The following RNF10 variants were observed in gnomAD, a reference collection of about 807,000 sequenced individuals.
The protein encoded by RNF10 is ring finger protein 10.
RNF10 carries 38 observed loss-of-function variants against 91.4 expected under a neutral mutation model. That is an observed-to-expected ratio of 0.42 (90% CI 0.32 to 0.54). The LOEUF (loss-of-function observed/expected upper bound fraction) is 0.54. RNF10 is among the 20% of genes least tolerant of loss of function. The probability of loss-of-function intolerance (pLI) is 0.16; values close to 1 mark genes in which losing one functional copy is unlikely to be tolerated. For missense variants in RNF10, 945 were observed against 1,012.0 expected (o/e 0.93, Z 0.90); for synonymous variants, 364 against 366.3 (o/e 0.99, Z 0.07).
chr12:120,534,734 C>A lies in RNF10; in HGVS notation c.-78C>A, dbSNP rs1870472361. On this transcript the variant is annotated 5_prime_UTR_variant, in exon 1 of 17. Coordinates refer to ENST00000325954, the MANE Select transcript of RNF10 (RefSeq NM_014868.5). The stretch of plus-strand genomic sequence containing the variant: ...AACCGCTGCCGCCGCCGACCCCCGC[C>A]GGCCCTGAACGCCATGAGCCTGGGT... The A allele has an allele frequency of 7.0e-7, 1 of 1,429,708 alleles. No homozygotes were observed. Among genetic ancestry groups the A allele is most frequent in the East Asian group, 2.9e-5 (1 of 34,162 alleles). 88.6% of individuals were successfully genotyped at this position (1,429,708 alleles called of 1,614,324 possible).
In RNF10 at chr12:120,550,949, C is replaced by T. The variant is rs139223862; in HGVS notation, c.355-1550C>T. On this transcript the variant is annotated intron_variant, in intron 2 of 16. Transcript: ENST00000325954. ...TTGTTAATATAAAAAAGGAAGTTAT[C>T]TGACTGGATGGTATACCACCAGTTG... Among the ~76,000 whole-genome samples, 101 of 152,060 alleles carry T rather than the reference C, an allele frequency of 6.6e-4. 1 individual carries two copies. The highest frequency in any genetic ancestry group is 2.9e-5 in the Non-Finnish European group (2 of 68,002).
At chr12:120,541,820 T>C (rs1871618876) in intron 1 of RNF10, among the ~76,000 whole-genome samples, 1 of 151,886 alleles carries the variant, frequency 6.6e-6, no homozygotes, top group African/African-American at 2.4e-5. Context: ...CTTGAACTCC[T>C]TGGCTTAAGA....
At chr12:120,571,145 C>A in intron 13 of RNF10, 46 bp from the exon 14 acceptor site, 1 of 1,322,856 alleles carries the variant, frequency 7.6e-7, no homozygotes, top group Non-Finnish European at 1.1e-6. Flanking sequence ...TTAAGGACAC[C>A]CCTTGGAACG....
intron 4 of RNF10, among the ~76,000 whole-genome samples, chr12:120,555,121 G>A (rs915702349): frequency 6.6e-6 from 1 of 152,218 alleles, no homozygotes; most frequent in Non-Finnish European, 1.5e-5. Context: ...GCCATTCGTA[G>A]CAATCACTAT....
chr12:120,566,787 C>A (rs546417), intron 12 of RNF10, 38 bp from the exon 13 acceptor site: 496,196 of 1,538,540 alleles, frequency 0.32, 81,729 homozygotes, highest in East Asian at 0.51. Flanking sequence ...AAATTGAATT[C>A]TGTAAATGGG....
chr12:120,553,908 T>G (rs1256353394), intron 3 of RNF10: 2 of 149,406 alleles, frequency 1.3e-5, no homozygotes, highest in African/African-American at 2.4e-5. Flanking sequence ...GTCTTCTGTT[T>G]TTTTTTTTTT....
At chr12:120,543,608 T>C (rs963836249) in intron 1 of RNF10, among the ~76,000 whole-genome samples, 3 of 151,618 alleles carry the variant, frequency 2.0e-5, no homozygotes, top group African/African-American at 7.3e-5. Flanking sequence ...TTGAGACCCA[T>C]CTGGGCAACA....
chr12:120,559,651 G>A (rs1396906984), intron 6 of RNF10, among the ~76,000 whole-genome samples: 1 of 151,800 alleles, frequency 6.6e-6, no homozygotes, highest in Non-Finnish European at 1.5e-5. Flanking sequence ...CCAAAGTGCT[G>A]GGATTACAGG....
Position 120,563,635 on chromosome 12 carries a change from G to A in RNF10, c.1531+12G>A, listed in dbSNP as rs757609041. The A allele has an allele frequency of 6.3e-6, 10 of 1,584,574 alleles. No homozygotes were observed. The East Asian group carries it at 1.1e-4, about 18-fold the overall frequency. The stretch of plus-strand genomic sequence containing the variant: ...CTACTTTTACCAAGGTGAGGGTGCC[G>A]GAAGAGAGGGCTGGGTTGCCGCAGA... On this transcript the variant is annotated intron_variant, in intron 9 of 16. Coordinates refer to ENST00000325954, the MANE Select transcript of RNF10 (RefSeq NM_014868.5).
intron 6 of RNF10, among the ~76,000 whole-genome samples, chr12:120,559,637 C>T (rs778228394): frequency 6.6e-6 from 1 of 152,058 alleles, no homozygotes; most frequent in Non-Finnish European, 1.5e-5. Flanking sequence ...CCTACCTCAG[C>T]CTCCCAAAGT....
At position 120,563,930 on chromosome 12, in the gene RNF10, A is replaced by G. The variant is rs184918703; in HGVS notation, c.1652A>G (p.Tyr551Cys). ...GCAACTGTGGTGGAGATTGCTGGCT[A>G]CTCCATGTCTGAGGTGAGGCCTTCC... ...ISATVVEIAG[Y>C]SMSEDVRQRH... The change falls in exon 10 of 17, where the codon TAC becomes TGC. Residue 551 changes from tyrosine to cysteine, a missense_variant. Physicochemically the swap from Tyr to Cys is radical, Grantham distance 194. Coordinates refer to ENST00000325954, the MANE Select transcript of RNF10 (RefSeq NM_014868.5). The G allele has an allele frequency of 4.3e-6, 7 of 1,613,970 alleles. No homozygotes were observed. The Admixed American group carries it at 1.2e-4, about 27-fold the overall frequency.
chr12:120,560,761 G>C lies in RNF10; in HGVS notation c.1003G>C (p.Ala335Pro). 6.2e-7 allele frequency: 1 copy of C among 1,614,040 alleles called. No individual in the cohort carries two copies. Among genetic ancestry groups the C allele is most frequent in the South Asian group, 1.1e-5 (1 of 91,072 alleles). ...QHSQYSKLLLASKEQVLHRVV... is the reference protein window; with the variant it reads ...QHSQYSKLLLPSKEQVLHRVV... ...CAGCCAGTACTCCAAGTTGCTGCTG[G>C]CCTCTAAGGAGCAGGTGCTGCACCG... Residue 335 changes from alanine (A) to proline (P), a missense_variant, in exon 7 of 17, where the codon GCC (alanine) becomes CCC (proline). By Grantham distance (27) the Ala-to-Pro change is conservative (BLOSUM62 -1). Transcript: ENST00000325954.
chr12:120,553,103 A>C (rs1873398865), intron 3 of RNF10, among the ~76,000 whole-genome samples: 1 of 75,234 alleles, frequency 1.3e-5, no homozygotes, highest in Non-Finnish European at 2.3e-5. Flanking sequence ...TTTTTTTTTG[A>C]GATGTAGTCT....
At chr12:120,539,535 T>G (rs1871266449) in intron 1 of RNF10, 1 of 712,496 alleles carries the variant, frequency 1.4e-6, no homozygotes. Flanking sequence ...TATTCTGACC[T>G]CTAGGCCGAG....
In RNF10 at chr12:120,560,750, A is replaced by G; in HGVS notation, c.992A>G (p.Lys331Arg). The G allele has an allele frequency of 1.9e-6, 3 of 1,614,068 alleles. No individual in the cohort carries two copies. The highest frequency in any genetic ancestry group is 1.3e-5 in the African/African-American group (1 of 75,054). The change falls in exon 7 of 17, where the codon AAG becomes AGG. Residue 331 changes from lysine to arginine, a missense_variant. Physicochemically the swap from Lys to Arg is conservative, Grantham distance 26. Transcript: ENST00000325954. ...LGDEQHSQYSKLLLASKEQVL... is the reference protein window; with the variant it reads ...LGDEQHSQYSRLLLASKEQVL... ...GATGAACAGCACAGCCAGTACTCCA[A>G]GTTGCTGCTGGCCTCTAAGGAGCAG...
intron 13 of RNF10, among the ~76,000 whole-genome samples, chr12:120,568,425 T>G (rs528060717): frequency 6.6e-6 from 1 of 152,222 alleles, no homozygotes; most frequent in South Asian, 2.1e-4. Context: ...TACTATAATT[T>G]CAGAGAACTA....
At chr12:120,552,728 G>A (rs758286955) in intron 3 of RNF10, 30 bp downstream of exon 3, 3 of 1,600,526 alleles carry the variant, frequency 1.9e-6, no homozygotes, top group Non-Finnish European at 2.6e-6. Flanking sequence ...AGAGGAAAGG[G>A]AAAGTAGGAC....
At chr12:120,543,425 C>G (rs1020986325) in intron 1 of RNF10, among the ~76,000 whole-genome samples, 3 of 152,040 alleles carry the variant, frequency 2.0e-5, no homozygotes, top group Admixed American at 6.6e-5. Flanking sequence ...GTGGGAAGAT[C>G]ACCTGAGCCT....
intron 1 of RNF10, among the ~76,000 whole-genome samples, chr12:120,538,296 C>T (rs540576552): frequency 6.6e-6 from 1 of 152,174 alleles, no homozygotes; most frequent in Non-Finnish European, 1.5e-5. Context: ...GGTTTCTATT[C>T]TGTAAACTGT....
Sources: gnomAD v4.1 joint callset for allele counts (sites outside exome capture counted in the v4.1 genomes callset) on GRCh38, gnomAD v4.1.1 for gene constraint, MANE v1.5 for transcripts, NCBI Gene and HGNC (gene_info 2026-07-23, HGNC 2026-07-21) for gene names.